The following TENM2 variants were observed in gnomAD, a reference collection of about 807,000 sequenced individuals.
The protein encoded by TENM2 is teneurin-2.
TENM2 carries 52 observed loss-of-function variants against 245.2 expected under a neutral mutation model. The observed-to-expected ratio is 0.21, with a 90% CI of 0.17 to 0.27. TENM2 has a LOEUF of 0.27. TENM2 is among the 10% of genes least tolerant of loss of function. The pLI, the probability that TENM2 is intolerant of heterozygous loss-of-function variation, is 1.00. For synonymous variants in TENM2, 1,363 were observed against 1,438.9 expected (o/e 0.95, Z 1.19); for missense variants, 3,046 against 3,666.8 (o/e 0.83, Z 4.37).
intron 2 of TENM2, among the ~76,000 whole-genome samples, chr5:167,760,376 G>A (rs1762583329): frequency 6.6e-6 from 1 of 152,198 alleles, no homozygotes; most frequent in Non-Finnish European, 1.5e-5. Context: ...TTAATACACT[G>A]TTGGAAGGCA....
chr5:167,473,277 C>T (rs1417603142), intron 2 of TENM2, among the ~76,000 whole-genome samples: 1 of 152,182 alleles, frequency 6.6e-6, no homozygotes, highest in Non-Finnish European at 1.5e-5. Flanking sequence ...CATAATCACT[C>T]TTACTCTTAT....
At chr5:167,590,864 A>AT (rs1449688604) in intron 2 of TENM2, among the ~76,000 whole-genome samples, 1 of 152,168 alleles carries the variant, frequency 6.6e-6, no homozygotes, top group Non-Finnish European at 1.5e-5. Context: ...ATACCTATGT[A>AT]TTTGCATACA....
rs1240277602 is a variant in TENM2 at position 168,002,268 on chromosome 5, C to G, written c.1186+9086C>G. The stretch of plus-strand genomic sequence containing the variant: ...GAGTTAGGTCATTTGTGGGGAGATT[C>G]GTGCAAACATGTTCGGCACTCCCCT... On this transcript the variant is annotated intron_variant, in intron 5 of 28. Coordinates refer to ENST00000518659, the Ensembl canonical transcript of TENM2. Among the ~76,000 whole-genome samples, 4 of 152,110 alleles carry G rather than the reference C, an allele frequency of 2.6e-5. No homozygotes were observed. In the East Asian group the frequency reaches 7.7e-4, roughly 29 times the overall value.
chr5:167,512,965 A>G (rs1434673216), intron 2 of TENM2, among the ~76,000 whole-genome samples: 1 of 152,204 alleles, frequency 6.6e-6, no homozygotes, highest in African/African-American at 2.4e-5. Flanking sequence ...TACACGAATA[A>G]AGGAGTGATA....
intron 2 of TENM2, among the ~76,000 whole-genome samples, chr5:167,481,027 A>G (rs1027303357): frequency 1.3e-5 from 2 of 152,252 alleles, no homozygotes; most frequent in African/African-American, 2.4e-5. Context: ...TTCCGATTCT[A>G]CAAGCATATC....
intron 2 of TENM2, among the ~76,000 whole-genome samples, chr5:167,752,261 A>ATTTTTTTTTTTTTTTT (rs575290973): frequency 1.6e-5 from 2 of 123,356 alleles, no homozygotes; most frequent in Admixed American, 8.1e-5. Flanking sequence ...TGCCCAGCTA[A>ATTTTTTTTTTTTTTTT]TTTTTTTTTT....
chr5:167,181,913 T>A, the TENM2 span, among the ~76,000 whole-genome samples: 1 of 152,182 alleles, frequency 6.6e-6, no homozygotes, highest in Admixed American at 6.5e-5. Flanking sequence ...CACTTTTCCT[T>A]ATCCTCTGTG....
At chr5:167,253,142 G>A in the TENM2 span, among the ~76,000 whole-genome samples, 1 of 151,812 alleles carries the variant, frequency 6.6e-6, no homozygotes, top group Admixed American at 6.6e-5. Context: ...CTGAGGTTAA[G>A]TGCAGTGGCA....
intron 5 of TENM2, among the ~76,000 whole-genome samples, chr5:168,027,483 G>A (rs1786729630): frequency 6.6e-6 from 1 of 152,150 alleles, no homozygotes; most frequent in Non-Finnish European, 1.5e-5. Context: ...ATCTTGCCTG[G>A]AACTGACCTC....
In TENM2 at chr5:167,597,274, C is replaced by T. The variant is rs559189770; in HGVS notation, c.502+221801C>T. On this transcript the variant is annotated intron_variant, in intron 2 of 28. Transcript: ENST00000518659. Reference sequence around the variant, plus strand: ...CCACCTCCTAGTTTCAAGTGATTCTCCTGCCTCAGCCTCCTGAGTAGCTGG... The same window carrying T: ...CCACCTCCTAGTTTCAAGTGATTCTTCTGCCTCAGCCTCCTGAGTAGCTGG... Among the ~76,000 whole-genome samples the T allele has an allele frequency of 8.8e-4, 133 of 150,424 alleles. 5 individuals are homozygous for T. In the South Asian group the frequency reaches 0.027, roughly 31 times the overall value.
At chr5:167,885,606 C>A (rs1251841455) in intron 3 of TENM2, among the ~76,000 whole-genome samples, 1 of 152,218 alleles carries the variant, frequency 6.6e-6, no homozygotes, top group Non-Finnish European at 1.5e-5. Flanking sequence ...TGCCCCAATA[C>A]AGACAAAACC....
the TENM2 span, among the ~76,000 whole-genome samples, chr5:167,043,297 A>G: frequency 6.6e-6 from 1 of 152,232 alleles, no homozygotes; most frequent in Non-Finnish European, 1.5e-5. Flanking sequence ...ACAGACTTGT[A>G]TAAAGATAAA....
the TENM2 span, among the ~76,000 whole-genome samples, chr5:167,078,364 T>A: frequency 6.6e-6 from 1 of 152,062 alleles, no homozygotes; most frequent in Non-Finnish European, 1.5e-5. Flanking sequence ...ATTCCTGTAA[T>A]CCCAGCTATT....
At chr5:167,699,483 A>G (rs1346199251) in intron 2 of TENM2, among the ~76,000 whole-genome samples, 1 of 152,220 alleles carries the variant, frequency 6.6e-6, no homozygotes, top group Non-Finnish European at 1.5e-5. Flanking sequence ...ACCTCTTTCC[A>G]CATCCCCAAG....
chr5:168,088,888 T>C (rs1278327575), intron 7 of TENM2, among the ~76,000 whole-genome samples: 1 of 152,188 alleles, frequency 6.6e-6, no homozygotes, highest in Non-Finnish European at 1.5e-5. Flanking sequence ...TGGAGTTTCA[T>C]TCTGTGAAGT....
chr5:167,746,336 C>T (rs1474803417), intron 2 of TENM2, among the ~76,000 whole-genome samples: 1 of 152,112 alleles, frequency 6.6e-6, no homozygotes, highest in Non-Finnish European at 1.5e-5. Context: ...ATATTCTCTT[C>T]GAAATTACAG....
intron 3 of TENM2, among the ~76,000 whole-genome samples, chr5:167,939,317 C>T (rs925483104): frequency 6.6e-6 from 1 of 152,166 alleles, no homozygotes; most frequent in East Asian, 1.9e-4. Flanking sequence ...AGGGTTCACA[C>T]TCCTCTGAAA....
At chr5:167,211,726 G>T in the TENM2 span, among the ~76,000 whole-genome samples, 1 of 152,082 alleles carries the variant, frequency 6.6e-6, no homozygotes, top group Admixed American at 6.5e-5. Context: ...GGCATTGACT[G>T]ACTGATCATG....
rs141148622 is a variant in TENM2 at position 167,830,999 on chromosome 5, C to T, written c.503-44987C>T. Among the ~76,000 whole-genome samples the T allele has an allele frequency of 4.9e-4, 74 of 152,206 alleles. No homozygotes were observed. The East Asian group carries it at 0.013, about 26-fold the overall frequency. ...CTAAATTTTGAAATATCTCATTTCA[C>T]CTCTGTCTGTCTTGCTCTGTGTTGT... On this transcript the variant is annotated intron_variant, in intron 2 of 28. Coordinates refer to ENST00000518659, the Ensembl canonical transcript of TENM2.
Sources: gnomAD v4.1 joint callset for allele counts (sites outside exome capture counted in the v4.1 genomes callset) on GRCh38, gnomAD v4.1.1 for gene constraint, MANE v1.5 for transcripts, NCBI Gene and HGNC (gene_info 2026-07-23, HGNC 2026-07-21) for gene names.